Variants in SPARC observed in about 807,000 individuals in gnomAD.
SPARC encodes the protein basement-membrane protein 40.
In SPARC, 23 loss-of-function variants were observed where a neutral mutation model predicts 37.7. The observed-to-expected ratio is 0.61, with a 90% CI of 0.44 to 0.87. The LOEUF (loss-of-function observed/expected upper bound fraction) is 0.87, where lower values mean the gene tolerates loss of function less well. Ranked by LOEUF, SPARC falls within the 40% of genes least tolerant of loss-of-function variation. The probability of loss-of-function intolerance (pLI) is 0.00; values close to 1 mark genes in which losing one functional copy is unlikely to be tolerated. For missense variants in SPARC, 312 were observed against 389.0 expected (o/e 0.80, Z 1.66); for synonymous variants, 155 against 150.8 (o/e 1.03, Z -0.20).
intron 1 of SPARC, among the ~76,000 whole-genome samples, chr5:151,682,030 G>C (rs566995358): frequency 6.6e-6 from 1 of 151,644 alleles, no homozygotes; most frequent in Non-Finnish European, 1.5e-5. Flanking sequence ...GAACCCTTAG[G>C]CAAGGTGGTC....
At chr5:151,670,320 A>G (rs992876343) in intron 5 of SPARC, among the ~76,000 whole-genome samples, 2 of 152,224 alleles carry the variant, frequency 1.3e-5, no homozygotes, top group Non-Finnish European at 2.9e-5. Flanking sequence ...TCCTTCTGGA[A>G]GTGTGAAATT....
chr5:151,665,960 G>C (rs950726318), intron 8 of SPARC, among the ~76,000 whole-genome samples: 40 of 152,280 alleles, frequency 2.6e-4, no homozygotes, highest in African/African-American at 8.9e-4. Context: ...CCTTAGGAGG[G>C]GGCTTAGACA....
chr5:151,667,313 C>T (rs550328721), intron 7 of SPARC, among the ~76,000 whole-genome samples, 154 bp downstream of exon 7: 3 of 152,332 alleles, frequency 2.0e-5, no homozygotes, highest in African/African-American at 4.8e-5. Flanking sequence ...TGCACCACAG[C>T]CTCCAAAGGC....
At chr5:151,668,753 T>C (rs1278151589) in intron 6 of SPARC, among the ~76,000 whole-genome samples, 3 of 152,162 alleles carry the variant, frequency 2.0e-5, no homozygotes, top group Admixed American at 6.5e-5. Flanking sequence ...ACAGGCTCTC[T>C]AGTCTTGCTG....
rs750757943 is a variant in SPARC at position 151,686,906 on chromosome 5, C to T, written c.-55G>A. On this transcript the variant is annotated 5_prime_UTR_variant, in exon 1 of 10. Coordinates refer to ENST00000231061, the MANE Select transcript of SPARC (RefSeq NM_003118.4). The stretch of plus-strand genomic sequence containing the variant: ...CAGGCGGCAGGCAGAGCGCGCTCTC[C>T]GGGCAGTCTGAAGGACCGCGGGAAT... The T allele has an allele frequency of 2.2e-4, 33 of 153,226 alleles. No homozygotes were observed. The highest frequency in any genetic ancestry group is 3.3e-4 in the Non-Finnish European group (23 of 68,878). The allele number at this position is 153,226 out of a possible 1,614,324, so 9.5% of individuals were successfully genotyped here. A position where few individuals can be genotyped will look rare whatever the true frequency, so the allele number is the denominator to read the frequency against.
chr5:151,664,066 C>T (rs1349258952), intron 9 of SPARC, 21 bp downstream of exon 9: 1 of 1,613,938 alleles, frequency 6.2e-7, no homozygotes, highest in Admixed American at 1.7e-5. Flanking sequence ...ATGCCCCTTG[C>T]TTCTTTGTTC....
chr5:151,674,825 A>G lies in SPARC; in HGVS notation c.58-151T>C, dbSNP rs1760822850. 3 of 685,940 alleles carry G rather than the reference A, an allele frequency of 4.4e-6. No homozygotes were observed. In the Admixed American group the frequency reaches 7.6e-5, roughly 17 times the overall value. The allele number at this position is 685,940 out of a possible 1,614,324, so 42.5% of individuals were successfully genotyped here. A position where few individuals can be genotyped will look rare whatever the true frequency, so the allele number is the denominator to read the frequency against. On this transcript the variant is annotated intron_variant, in intron 2 of 9. Coordinates refer to ENST00000231061, the MANE Select transcript of SPARC (RefSeq NM_003118.4). The stretch of plus-strand genomic sequence containing the variant: ...TTGTGCCTCATGGACTGCCATGGTG[A>G]GGGACAGAACAAAGAAGAAGCCAGT...
At chr5:151,680,244 T>TTTTA (rs1760955769) in intron 1 of SPARC, among the ~76,000 whole-genome samples, 1 of 127,674 alleles carries the variant, frequency 7.8e-6, no homozygotes, top group African/African-American at 2.9e-5. Context: ...TTTTTTTTTT[T>TTTTA]GAGACACGGT....
intron 9 of SPARC, 148 bp downstream of exon 9, chr5:151,663,938 CA>C: frequency 1.1e-6 from 1 of 911,302 alleles, no homozygotes; most frequent in Non-Finnish European, 1.7e-6. Context: ...GCCCAAGAGA[CA>C]GGAGTCAAAT....
In SPARC at chr5:151,671,424, CCT is replaced by C. The variant is rs1760746450; in HGVS notation, c.330+147_330+148del. The C allele has an allele frequency of 1.5e-5, 14 of 937,300 alleles. No individual in the cohort carries two copies. In the East Asian group the frequency reaches 2.8e-4, roughly 19 times the overall value. The allele number at this position is 937,300 out of a possible 1,614,324, so 58.1% of individuals were successfully genotyped here. A position where few individuals can be genotyped will look rare whatever the true frequency, so the allele number is the denominator to read the frequency against. Reference sequence around the variant, plus strand: ...CCAGGCAGAGCACTCTGACTCATCCCCTCTTTCCTGCTGGGACTAGGTCTAGC... The same window carrying C: ...CCAGGCAGAGCACTCTGACTCATCCCCTTTCCTGCTGGGACTAGGTCTAGC... On this transcript the variant is annotated intron_variant, in intron 5 of 9. Coordinates refer to ENST00000231061, the MANE Select transcript of SPARC (RefSeq NM_003118.4).
At position 151,661,604 on chromosome 5, in the gene SPARC, A is replaced by G. The variant is rs1056304902; in HGVS notation, c.*1967T>C. 2 of 152,332 alleles carry G rather than the reference A, an allele frequency of 1.3e-5. No homozygotes were observed. Among genetic ancestry groups the G allele is most frequent in the Admixed American group, 6.5e-5 (1 of 15,296 alleles). 9.4% of individuals were successfully genotyped at this position (152,332 alleles called of 1,614,324 possible). ...TCTCTAAGGGGAGTCTCAAAACCCC[A>G]GCTCAAAATACGACACTAACATGAT... On this transcript the variant is annotated 3_prime_UTR_variant, in exon 10 of 10. Coordinates refer to ENST00000231061, the MANE Select transcript of SPARC (RefSeq NM_003118.4).
rs143533525 is a variant in SPARC, at chr5:151,673,133, C to T, written c.204G>A (p.Ala68=). ...AGTTACAGGGAAGGGACATACTTTCCGCCACCACCTCCTCTTCGGTTTCCT... is the reference window on the plus strand; with the variant it reads ...AGTTACAGGGAAGGGACATACTTTCTGCCACCACCTCCTCTTCGGTTTCCT... The part of the protein sequence containing the change: ...GAEETEEEVV[A]ENPCQNHHCK... The change falls in exon 4 of 10, where the codon GCG becomes GCA. Residue 68 remains alanine (A), a synonymous_variant. Coordinates refer to ENST00000231061, the MANE Select transcript of SPARC (RefSeq NM_003118.4). 577 of 1,612,904 alleles carry T rather than the reference C, an allele frequency of 3.6e-4. 2 individuals carry two copies. The highest frequency in any genetic ancestry group is 3.6e-3 in the South Asian group (325 of 91,066).
chr5:151,663,642 C>T lies in SPARC; in HGVS notation c.884-43G>A, dbSNP rs747804032. 31 of 1,606,426 alleles carry T rather than the reference C, an allele frequency of 1.9e-5. No homozygotes were observed. In the East Asian group the frequency reaches 3.1e-4, roughly 16 times the overall value. The stretch of plus-strand genomic sequence containing the variant: ...AGCACGGTTAAAAATAAGGCTGTGT[C>T]GATGATAACGCACTTCCCAAGGAGT... On this transcript the variant is annotated intron_variant, in intron 9 of 9. Transcript: ENST00000231061.
At chr5:151,684,905 T>C (rs1377922007) in intron 1 of SPARC, among the ~76,000 whole-genome samples, 1 of 152,146 alleles carries the variant, frequency 6.6e-6, no homozygotes, top group African/African-American at 2.4e-5. Flanking sequence ...GAGATTATCA[T>C]GGCCCAAGGC....
Position 151,673,966 on chromosome 5 carries a change from C to CTGTG in SPARC, c.120+642_120+645dup, listed in dbSNP as rs3138755. 6.3e-3 allele frequency among the ~76,000 whole-genome samples: 900 copies of CTGTG among 141,822 alleles called. 5 individuals are homozygous for CTGTG. The highest frequency in any genetic ancestry group is 0.021 in the Middle Eastern group (6 of 288). The allele number at this position is 141,822 out of a possible 152,430, so 93.0% of individuals were successfully genotyped here. On this transcript the variant is annotated intron_variant, in intron 3 of 9. Transcript: ENST00000231061. ...CACACCCAAGCATCTCCCCTTTCCT[C>CTGTG]TGTGTGTGTGTGTGTGTGTGTGTGT...
chr5:151,661,322 CT>C lies in SPARC; in HGVS notation c.*2248del, dbSNP rs1760496538. 6.6e-6 allele frequency: 1 copy of C among 152,222 alleles called. No homozygotes were observed. Among genetic ancestry groups the C allele is most frequent in the Non-Finnish European group, 1.5e-5 (1 of 68,050 alleles). 9.4% of individuals were successfully genotyped at this position (152,222 alleles called of 1,614,324 possible). A position where few individuals can be genotyped will look rare whatever the true frequency, so the allele number is the denominator to read the frequency against. ...CTGAAATTTACTTCAATTCCTCTCTCTACAGATTCCTAGAGATTATGAGACT... is the reference window on the plus strand; with the variant it reads ...CTGAAATTTACTTCAATTCCTCTCTCACAGATTCCTAGAGATTATGAGACT... On this transcript the variant is annotated 3_prime_UTR_variant, in exon 10 of 10. Coordinates refer to ENST00000231061, the MANE Select transcript of SPARC (RefSeq NM_003118.4).
chr5:151,667,051 G>A (rs1187473276), intron 7 of SPARC, among the ~76,000 whole-genome samples: 1 of 152,146 alleles, frequency 6.6e-6, no homozygotes, highest in Non-Finnish European at 1.5e-5. Context: ...TAAATCACCT[G>A]GGGAGTATTT....
intron 6 of SPARC, 25 bp from the exon 7 acceptor site, chr5:151,667,625 C>T: frequency 1.2e-6 from 2 of 1,612,852 alleles, no homozygotes; most frequent in Non-Finnish European, 1.7e-6. Context: ...CAAGGGCGGT[C>T]AGCACAGACC....
rs1760491824 is a variant in SPARC at position 151,661,160 on chromosome 5, A to G, written c.*2411T>C. The G allele has an allele frequency of 6.6e-6, 1 of 152,186 alleles. No individual in the cohort carries two copies. Among genetic ancestry groups the G allele is most frequent in the African/African-American group, 2.4e-5 (1 of 41,454 alleles). The allele number at this position is 152,186 out of a possible 1,614,324, so 9.4% of individuals were successfully genotyped here. On this transcript the variant is annotated 3_prime_UTR_variant, in exon 10 of 10. Transcript: ENST00000231061. ...CGTTTTTATCAGAAACAGTATTGCA[A>G]ATTTATGTGTGGTCTGCCTGCTAGA... is the stretch of plus-strand genomic sequence containing the variant.
Sources: gnomAD v4.1 joint callset for allele counts (sites outside exome capture counted in the v4.1 genomes callset) on GRCh38, gnomAD v4.1.1 for gene constraint, MANE v1.5 for transcripts, NCBI Gene and HGNC (gene_info 2026-07-23, HGNC 2026-07-21) for gene names.